The following TMEM178B variants were observed in gnomAD, a reference collection of about 807,000 sequenced individuals.
The protein encoded by TMEM178B is transmembrane protein 178B.
A neutral mutation model predicts 31.0 loss-of-function variants in TMEM178B; 5 were observed. That is an observed-to-expected ratio of 0.16 (90% CI 0.08 to 0.34). TMEM178B has a LOEUF of 0.34. TMEM178B is among the 10% of genes least tolerant of loss of function. The pLI is 1.00. For synonymous variants in TMEM178B, 164 were observed against 164.0 expected, an observed-to-expected ratio of 1.00 and a Z score of 0.00; for missense variants, 275 against 400.3, an observed-to-expected ratio of 0.69 and a Z score of 2.67.
intron 1 of TMEM178B, among the ~76,000 whole-genome samples, chr7:141,124,916 A>G (rs1795465216): frequency 6.6e-6 from 1 of 152,228 alleles, no homozygotes; most frequent in Non-Finnish European, 1.5e-5. Context: ...CTCACCAAAC[A>G]GAATCAAAAG....
intron 1 of TMEM178B, among the ~76,000 whole-genome samples, chr7:141,194,719 C>G (rs1459407096): frequency 1.3e-5 from 2 of 152,226 alleles, no homozygotes; most frequent in Non-Finnish European, 1.5e-5. Context: ...CCAGTAGAGA[C>G]TCTGTATGGG....
chr7:141,452,000 CTT>C (rs1461295275), intron 3 of TMEM178B, among the ~76,000 whole-genome samples: 2 of 152,212 alleles, frequency 1.3e-5, no homozygotes, highest in Non-Finnish European at 2.9e-5. Context: ...ACTCTCATCT[CTT>C]GTCTTCTATA....
intron 2 of TMEM178B, among the ~76,000 whole-genome samples, chr7:141,394,643 G>C (rs191395656): frequency 7.2e-5 from 11 of 152,294 alleles, no homozygotes; most frequent in Non-Finnish European, 8.8e-5. Context: ...CTCCGACCCA[G>C]GGATACAGTC....
rs912853121 is a variant in TMEM178B, at chr7:141,120,829, G to A, written c.382+46137G>A. Among the ~76,000 whole-genome samples, 21 of 151,850 alleles carry A rather than the reference G, an allele frequency of 1.4e-4. 1 individual carries two copies. The highest frequency in any genetic ancestry group is 4.6e-4 in the African/African-American group (19 of 41,346). On this transcript the variant is annotated intron_variant, in intron 1 of 3. Coordinates refer to ENST00000565468, the MANE Select transcript of TMEM178B (RefSeq NM_001195278.2). ...ATAAAATAGCTGGATATGGTGGCAC[G>A]TACCTGTAGTTTCGGCTGCTTCAGG...
At chr7:141,450,096 A>C (rs1330168972) in intron 3 of TMEM178B, among the ~76,000 whole-genome samples, 1 of 152,168 alleles carries the variant, frequency 6.6e-6, no homozygotes, top group Non-Finnish European at 1.5e-5. Context: ...TGCCTCCCTG[A>C]CTTTCTGAGT....
At chr7:141,199,341 G>A (rs1796838138) in intron 1 of TMEM178B, among the ~76,000 whole-genome samples, 1 of 152,176 alleles carries the variant, frequency 6.6e-6, no homozygotes, top group African/African-American at 2.4e-5. Context: ...AGTAGTAATG[G>A]CAACCTAGTA....
At chr7:141,286,644 A>G (rs1232742410) in intron 2 of TMEM178B, among the ~76,000 whole-genome samples, 2 of 152,204 alleles carry the variant, frequency 1.3e-5, no homozygotes, top group African/African-American at 4.8e-5. Flanking sequence ...ACTGGTCTCC[A>G]CAGACAAGAG....
intron 1 of TMEM178B, among the ~76,000 whole-genome samples, chr7:141,206,253 A>G (rs1796961103): frequency 1.3e-5 from 2 of 152,202 alleles, no homozygotes; most frequent in Admixed American, 6.5e-5. Flanking sequence ...ATGCTTCCCC[A>G]TGTCTCCCTT....
intron 2 of TMEM178B, among the ~76,000 whole-genome samples, chr7:141,343,758 C>T (rs1042445052): frequency 1.1e-4 from 17 of 152,082 alleles, no homozygotes; most frequent in Non-Finnish European, 2.5e-4. Flanking sequence ...ACTGTGTTAG[C>T]CAGGATGGTC....
chr7:141,461,240 A>G lies in TMEM178B; in HGVS notation c.635-9296A>G, dbSNP rs1030158911. Among the ~76,000 whole-genome samples, 2 of 152,204 alleles carry G rather than the reference A, an allele frequency of 1.3e-5. No individual in the cohort carries two copies. Among genetic ancestry groups the G allele is most frequent in the Non-Finnish European group, 2.9e-5 (2 of 68,036 alleles). ...TCTCTGACCTCCCTGATACACAGCC[A>G]CGTGGGTGTTTCTGCAGAGCCTGCC... On this transcript the variant is annotated intron_variant, in intron 3 of 3. Coordinates refer to ENST00000565468, the MANE Select transcript of TMEM178B (RefSeq NM_001195278.2). The surrounding 1 kb of genome is among the most constrained non-coding windows in gnomAD (Gnocchi z 4.0).
At chr7:141,091,728 G>A (rs895764538) in intron 1 of TMEM178B, among the ~76,000 whole-genome samples, 2 of 152,148 alleles carry the variant, frequency 1.3e-5, no homozygotes, top group Non-Finnish European at 2.9e-5. Context: ...GTCCTAGAAT[G>A]TACTTTGTTA....
At chr7:141,279,208 C>G (rs767487042) in intron 2 of TMEM178B, among the ~76,000 whole-genome samples, 7 of 152,074 alleles carry the variant, frequency 4.6e-5, no homozygotes, top group Non-Finnish European at 7.4e-5. Flanking sequence ...GCCATTTTCT[C>G]TGGTCCAAAG....
chr7:141,169,034 A>G (rs1796304769), intron 1 of TMEM178B, among the ~76,000 whole-genome samples: 1 of 152,148 alleles, frequency 6.6e-6, no homozygotes, highest in South Asian at 2.1e-4. Context: ...GTTCTTCCTG[A>G]ATATTTTATG....
intron 2 of TMEM178B, among the ~76,000 whole-genome samples, chr7:141,333,938 T>C (rs1799339221): frequency 6.6e-6 from 1 of 152,218 alleles, no homozygotes; most frequent in Admixed American, 6.5e-5. Flanking sequence ...GCTCTGGCGG[T>C]AATGCTCACT....
At chr7:141,327,583 G>A (rs1252957147) in intron 2 of TMEM178B, among the ~76,000 whole-genome samples, 1 of 151,908 alleles carries the variant, frequency 6.6e-6, no homozygotes, top group Non-Finnish European at 1.5e-5. Context: ...TCCCTTTTTG[G>A]GGCATAAGAA....
At chr7:141,321,020 G>C (rs1369834796) in intron 2 of TMEM178B, among the ~76,000 whole-genome samples, 2 of 152,136 alleles carry the variant, frequency 1.3e-5, no homozygotes, top group African/African-American at 4.8e-5. Context: ...GTCCATTGTT[G>C]AGAATACACC....
chr7:141,228,949 C>T (rs1797390131), intron 2 of TMEM178B, among the ~76,000 whole-genome samples: 2 of 151,646 alleles, frequency 1.3e-5, no homozygotes, highest in African/African-American at 4.9e-5. Context: ...AATTCATCTC[C>T]TTCAGTGAGA....
chr7:141,213,641 T>G (rs977676982), intron 2 of TMEM178B, among the ~76,000 whole-genome samples: 5 of 152,206 alleles, frequency 3.3e-5, no homozygotes, highest in Non-Finnish European at 7.3e-5. Context: ...GATCTCTAGA[T>G]GGAAAACATC....
intron 2 of TMEM178B, among the ~76,000 whole-genome samples, chr7:141,395,860 A>G (rs1393891040): frequency 6.6e-6 from 1 of 152,202 alleles, no homozygotes; most frequent in Non-Finnish European, 1.5e-5. Flanking sequence ...CTGAAATACC[A>G]CATATAATAA....
Sources: gnomAD v4.1 joint callset for allele counts (sites outside exome capture counted in the v4.1 genomes callset) on GRCh38, gnomAD v4.1.1 for gene constraint, Gnocchi (gnomAD v3.1) non-coding constraint, MANE v1.5 for transcripts, NCBI Gene and HGNC (gene_info 2026-07-23, HGNC 2026-07-21) for gene names.